Variants in NR6A1 observed in about 807,000 individuals in gnomAD.
The protein encoded by NR6A1 is retinoic acid receptor-related testis-associated receptor.
In NR6A1, 7 loss-of-function variants were observed where a neutral mutation model predicts 59.1. That is an observed-to-expected ratio of 0.12 (90% CI 0.07 to 0.22). The LOEUF is 0.22. Ranked by LOEUF, NR6A1 falls within the 10% of genes least tolerant of loss-of-function variation. The pLI is 1.00. For synonymous variants in NR6A1, 243 were observed against 236.1 expected, an observed-to-expected ratio of 1.03 and a Z score of -0.27; for missense variants, 468 against 611.6, an observed-to-expected ratio of 0.77 and a Z score of 2.48.
At chr9:124,743,775 T>C (rs946495848) in intron 1 of NR6A1, among the ~76,000 whole-genome samples, 18 of 152,268 alleles carry the variant, frequency 1.2e-4, no homozygotes, top group African/African-American at 4.3e-4. Context: ...TTCAGTCTGA[T>C]GAGTCAGAGG....
Position 124,526,765 on chromosome 9 carries a change from C to G in NR6A1, c.1201+14G>C. 6.2e-7 allele frequency: 1 copy of G among 1,612,402 alleles called. No individual in the cohort carries two copies. Among genetic ancestry groups the G allele is most frequent in the Non-Finnish European group, 8.5e-7 (1 of 1,178,816 alleles). On this transcript the variant is annotated intron_variant, in intron 8 of 9. Transcript: ENST00000487099. ...CGCACTGCAAACGTCCCTTTTCCCA[C>G]CCCAGCCACTCACCTTGATTTAGGA...
rs578193813 is a variant in NR6A1 at position 124,559,415 on chromosome 9, G to A, written c.143-4845C>T. 3.6e-4 allele frequency among the ~76,000 whole-genome samples: 55 copies of A among 152,206 alleles called. No homozygotes were observed. In the South Asian group the frequency reaches 5.0e-3, roughly 14 times the overall value. On this transcript the variant is annotated intron_variant, in intron 2 of 9. Transcript: ENST00000487099. ...GCACTGCCCTGAATAATGTGTTCAC[G>A]GGTAAAAAATAAATGTACAATCTAA...
At chr9:124,662,203 G>A (rs892938534) in intron 2 of NR6A1, among the ~76,000 whole-genome samples, 2 of 152,122 alleles carry the variant, frequency 1.3e-5, no homozygotes, top group Admixed American at 1.3e-4. Context: ...GCCAGAGTAC[G>A]TGAAATGCTC....
intron 2 of NR6A1, among the ~76,000 whole-genome samples, chr9:124,649,976 T>C (rs1837050315): frequency 6.6e-6 from 1 of 152,182 alleles, no homozygotes; most frequent in Admixed American, 6.5e-5. Context: ...GGAACACTTC[T>C]ACACTGTTGA....
chr9:124,588,371 G>A (rs1025456102), intron 2 of NR6A1, among the ~76,000 whole-genome samples: 1 of 151,784 alleles, frequency 6.6e-6, no homozygotes. Context: ...ACAGTGGCGC[G>A]ATCTCCACTC....
At chr9:124,611,698 G>A (rs1047254773) in intron 2 of NR6A1, among the ~76,000 whole-genome samples, 1 of 150,020 alleles carries the variant, frequency 6.7e-6, no homozygotes, top group Admixed American at 6.6e-5. Context: ...CCAGTGAGCC[G>A]TGATTACACC....
chr9:124,531,341 G>A (rs376738792), intron 7 of NR6A1, among the ~76,000 whole-genome samples: 1 of 152,178 alleles, frequency 6.6e-6, no homozygotes, highest in African/African-American at 2.4e-5. Context: ...GTCTGATAAC[G>A]GTGTGATTAA....
At chr9:124,568,350 G>A (rs1834336984) in intron 2 of NR6A1, among the ~76,000 whole-genome samples, 1 of 151,728 alleles carries the variant, frequency 6.6e-6, no homozygotes, top group Admixed American at 6.6e-5. Context: ...AGCCGGGTGT[G>A]TGACAGGCAC....
intron 2 of NR6A1, among the ~76,000 whole-genome samples, chr9:124,591,115 T>C (rs923788392): frequency 2.0e-5 from 3 of 152,204 alleles, no homozygotes; most frequent in Non-Finnish European, 4.4e-5. Flanking sequence ...CCCTCCCTTA[T>C]TGTTGCTTAC....
intron 1 of NR6A1, among the ~76,000 whole-genome samples, chr9:124,764,938 T>C (rs1243158408): frequency 2.0e-5 from 3 of 152,242 alleles, no homozygotes; most frequent in South Asian, 2.1e-4. Flanking sequence ...GCAGGGCCCA[T>C]AGAACTGACA....
At chr9:124,769,363 A>C (rs1841042246) in intron 1 of NR6A1, among the ~76,000 whole-genome samples, 1 of 152,210 alleles carries the variant, frequency 6.6e-6, no homozygotes, top group African/African-American at 2.4e-5. Flanking sequence ...TTTGTAAAAA[A>C]CACCAGATCT....
intron 3 of NR6A1, 28 bp downstream of exon 3, chr9:124,554,300 G>C: frequency 6.2e-7 from 1 of 1,613,758 alleles, no homozygotes; most frequent in Non-Finnish European, 8.5e-7. Flanking sequence ...ATGAAGGATG[G>C]GCCATCAGAG....
intron 2 of NR6A1, among the ~76,000 whole-genome samples, chr9:124,693,325 ATGTAAGC>A (rs2131026436): frequency 6.6e-6 from 1 of 152,330 alleles, no homozygotes; most frequent in South Asian, 2.1e-4. Flanking sequence ...TGCTCAATAT[ATGTAAGC>A]TGTTATTATT....
chr9:124,652,684 T>C (rs1439021255), intron 2 of NR6A1, among the ~76,000 whole-genome samples: 1 of 152,170 alleles, frequency 6.6e-6, no homozygotes, highest in Non-Finnish European at 1.5e-5. Flanking sequence ...AGACTCTAGA[T>C]ACAGCCCTTC....
chr9:124,663,985 C>T (rs138626828), intron 2 of NR6A1, among the ~76,000 whole-genome samples: 15 of 152,204 alleles, frequency 9.9e-5, no homozygotes, highest in African/African-American at 2.4e-4. Flanking sequence ...AAGATTTCTA[C>T]GACCTCCTCT....
At chr9:124,690,938 T>G (rs1384842507) in intron 2 of NR6A1, among the ~76,000 whole-genome samples, 1 of 152,288 alleles carries the variant, frequency 6.6e-6, no homozygotes, top group East Asian at 1.9e-4. Context: ...CTTTCTGTAG[T>G]TTTTCAAGTC....
At chr9:124,665,384 T>C (rs947942801) in intron 2 of NR6A1, among the ~76,000 whole-genome samples, 1 of 152,146 alleles carries the variant, frequency 6.6e-6, no homozygotes, top group South Asian at 2.1e-4. Flanking sequence ...TAACAGACTT[T>C]CAATGGAGTC....
chr9:124,769,917 A>C (rs1269134324), intron 1 of NR6A1, among the ~76,000 whole-genome samples: 1 of 152,266 alleles, frequency 6.6e-6, no homozygotes, highest in Non-Finnish European at 1.5e-5. Flanking sequence ...CGTTACCAAT[A>C]AAAACATTCC....
intron 2 of NR6A1, among the ~76,000 whole-genome samples, chr9:124,727,028 C>T (rs1839742219): frequency 6.6e-6 from 1 of 152,060 alleles, no homozygotes. Flanking sequence ...AGTTCTTATA[C>T]TTCCAGAAAC....
Sources: gnomAD v4.1 joint callset for allele counts (sites outside exome capture counted in the v4.1 genomes callset) on GRCh38, gnomAD v4.1.1 for gene constraint, MANE v1.5 for transcripts, NCBI Gene and HGNC (gene_info 2026-07-23, HGNC 2026-07-21) for gene names.